The following RPTOR variants were observed in gnomAD, a reference collection of about 807,000 sequenced individuals.
RPTOR encodes the protein regulatory-associated protein of mTOR.
RPTOR carries 21 observed loss-of-function variants against 169.9 expected under a neutral mutation model. The ratio of observed to expected loss-of-function variants is 0.12; its 90% confidence interval spans 0.09 to 0.18. RPTOR has a LOEUF of 0.18. Ranked by LOEUF, RPTOR falls within the 10% of genes least tolerant of loss-of-function variation. The probability of loss-of-function intolerance (pLI) is 1.00; values close to 1 mark genes in which losing one functional copy is unlikely to be tolerated. For synonymous variants in RPTOR, 732 were observed against 753.2 expected, an observed-to-expected ratio of 0.97 and a Z score of 0.46; for missense variants, 1,133 against 1,855.9, an observed-to-expected ratio of 0.61 and a Z score of 7.16.
At chr17:80,765,152 C>A (rs1025466083) in intron 6 of RPTOR, among the ~76,000 whole-genome samples, 1 of 152,214 alleles carries the variant, frequency 6.6e-6, no homozygotes, top group Non-Finnish European at 1.5e-5. Context: ...CGCTGTCCGT[C>A]GCATCTCTGC....
chr17:80,773,293 G>C (rs914142668), intron 6 of RPTOR, among the ~76,000 whole-genome samples: 1 of 152,226 alleles, frequency 6.6e-6, no homozygotes, highest in South Asian at 2.1e-4. Flanking sequence ...AGCTAGTGGG[G>C]ACTTCTCTGT....
In RPTOR at chr17:80,855,485, C is replaced by A. The variant is rs2143744625; in HGVS notation, c.1336C>A (p.Arg446=). 1 of 1,613,856 alleles carries A rather than the reference C, an allele frequency of 6.2e-7. No homozygotes were observed. The highest frequency in any genetic ancestry group is 8.5e-7 in the Non-Finnish European group (1 of 1,179,756). ...VLQVLLSQVH[R]LRALDLLGRF... ...CCAGGTGCTGTTAAGCCAAGTGCAC[C>A]GGCTGAGAGCATTGGACTTGCTTGG... The change falls in exon 12 of 34, where the codon CGG becomes AGG. Residue 446 remains arginine, a synonymous_variant. Coordinates refer to ENST00000306801, the MANE Select transcript of RPTOR (RefSeq NM_020761.3).
intron 4 of RPTOR, among the ~76,000 whole-genome samples, chr17:80,729,619 C>G (rs2066372053): frequency 6.6e-6 from 1 of 152,330 alleles, no homozygotes; most frequent in Middle Eastern, 3.4e-3. Context: ...ACTTATACCC[C>G]TTAAGTATGA....
intron 4 of RPTOR, among the ~76,000 whole-genome samples, chr17:80,714,122 G>A (rs1397583751): frequency 6.6e-6 from 1 of 152,096 alleles, no homozygotes; most frequent in Non-Finnish European, 1.5e-5. Context: ...TGTATTTTTA[G>A]TAGAGATGGG....
At chr17:80,710,546 T>G (rs1422009535) in intron 4 of RPTOR, among the ~76,000 whole-genome samples, 1 of 150,630 alleles carries the variant, frequency 6.6e-6, no homozygotes, top group Non-Finnish European at 1.5e-5. Flanking sequence ...GACTAGATGT[T>G]GATTTGCCTC....
chr17:80,877,898 C>T (rs1024919347), intron 13 of RPTOR, among the ~76,000 whole-genome samples: 1 of 152,170 alleles, frequency 6.6e-6, no homozygotes, highest in African/African-American at 2.4e-5. Context: ...GCCCATAACC[C>T]GCCTCATCAG....
At chr17:80,704,303 A>G (rs936394814) in intron 3 of RPTOR, among the ~76,000 whole-genome samples, 5 of 152,202 alleles carry the variant, frequency 3.3e-5, no homozygotes, top group African/African-American at 1.2e-4. Context: ...TTCATTTATC[A>G]GCTGCCCTTG....
At chr17:80,940,256 G>A (rs1011504708) in intron 24 of RPTOR, among the ~76,000 whole-genome samples, 3 of 152,078 alleles carry the variant, frequency 2.0e-5, no homozygotes, top group East Asian at 3.8e-4. Context: ...TTAAAAATAC[G>A]GCATAGCAGC....
chr17:80,925,547 C>T, intron 24 of RPTOR, 67 bp downstream of exon 24: 1 of 1,277,020 alleles, frequency 7.8e-7, no homozygotes, highest in Non-Finnish European at 1.1e-6. Flanking sequence ...CTTCTTTGAG[C>T]ATAAACGCTC....
intron 13 of RPTOR, among the ~76,000 whole-genome samples, chr17:80,867,945 G>A (rs1027250157): frequency 6.6e-6 from 1 of 152,170 alleles, no homozygotes; most frequent in Non-Finnish European, 1.5e-5. Context: ...AGGACCTACA[G>A]CAGGCAAAAC....
At chr17:80,782,226 G>A (rs984997334) in intron 6 of RPTOR, among the ~76,000 whole-genome samples, 11 of 152,258 alleles carry the variant, frequency 7.2e-5, no homozygotes, top group South Asian at 4.2e-4. Context: ...GTGAACACAC[G>A]TGGAAATTGA....
At chr17:80,864,243 T>C (rs1419463268) in intron 13 of RPTOR, among the ~76,000 whole-genome samples, 1 of 151,990 alleles carries the variant, frequency 6.6e-6, no homozygotes, top group Non-Finnish European at 1.5e-5. Context: ...AGGCAGCCAG[T>C]AAAAAGCCAG....
At chr17:80,784,282 G>A (rs760990991) in intron 6 of RPTOR, among the ~76,000 whole-genome samples, 11 of 151,830 alleles carry the variant, frequency 7.2e-5, no homozygotes, top group African/African-American at 2.2e-4. Context: ...TACAAATATC[G>A]CATGATTTGG....
In RPTOR at chr17:80,920,803, C is replaced by T. The variant is rs924073917; in HGVS notation, c.2521-1921C>T. Reference sequence around the variant, plus strand: ...TTCCCCGTCACCTCCCACTGTTTTTCCAGACATTTTGAGAAGGCACATATA... The same window carrying T: ...TTCCCCGTCACCTCCCACTGTTTTTTCAGACATTTTGAGAAGGCACATATA... On this transcript the variant is annotated intron_variant, in intron 21 of 33. Transcript: ENST00000306801. Among the ~76,000 whole-genome samples, 5 of 152,234 alleles carry T rather than the reference C, an allele frequency of 3.3e-5. 1 individual carries two copies. The South Asian group carries it at 6.2e-4, about 19-fold the overall frequency.
intron 1 of RPTOR, 46 bp from the exon 2 acceptor site, chr17:80,625,645 G>A: frequency 7.2e-7 from 1 of 1,391,668 alleles, no homozygotes; most frequent in Non-Finnish European, 1.0e-6. Context: ...ACATAAACGA[G>A]TTCCATATTG....
At position 80,947,541 on chromosome 17, in the gene RPTOR, A is replaced by G. The variant is rs2069118219; in HGVS notation, c.3265+190A>G. On this transcript the variant is annotated intron_variant, in intron 27 of 33. Coordinates refer to ENST00000306801, the MANE Select transcript of RPTOR (RefSeq NM_020761.3). The surrounding 1 kb of genome is among the most constrained non-coding windows in gnomAD (Gnocchi z 4.4). ...TTCAGCAGCAGAGACAGGAAAGCAAAGATGACCCCATCCTTGAGGGTTCCA... is the reference window on the plus strand; with the variant it reads ...TTCAGCAGCAGAGACAGGAAAGCAAGGATGACCCCATCCTTGAGGGTTCCA... Among the ~76,000 whole-genome samples the G allele has an allele frequency of 6.6e-6, 1 of 152,206 alleles. No individual in the cohort carries two copies. Among genetic ancestry groups the G allele is most frequent in the African/African-American group, 2.4e-5 (1 of 41,444 alleles).
At chr17:80,717,412 A>G (rs772661365) in intron 4 of RPTOR, among the ~76,000 whole-genome samples, 5 of 152,262 alleles carry the variant, frequency 3.3e-5, no homozygotes, top group Non-Finnish European at 7.3e-5. Flanking sequence ...CGCTAATGTC[A>G]TAAAAGCAAC....
In RPTOR at chr17:80,964,384, G is replaced by A; in HGVS notation, c.*54G>A. 1 of 1,572,966 alleles carries A rather than the reference G, an allele frequency of 6.4e-7. No homozygotes were observed. The highest frequency in any genetic ancestry group is 8.7e-7 in the Non-Finnish European group (1 of 1,155,524). On this transcript the variant is annotated 3_prime_UTR_variant, in exon 34 of 34. Coordinates refer to ENST00000306801, the MANE Select transcript of RPTOR (RefSeq NM_020761.3). ...GCCGCCTGCTGTACATAGTGAAGCT[G>A]TCACTCGCCGGGGCACGGGGCGTCG...
At chr17:80,950,270 C>A (rs1468036) in intron 28 of RPTOR, among the ~76,000 whole-genome samples, 2 of 152,202 alleles carry the variant, frequency 1.3e-5, no homozygotes, top group African/African-American at 4.8e-5. Context: ...GCCAGCCCCC[C>A]TCTGCCGGCT....
Sources: gnomAD v4.1 joint callset for allele counts (sites outside exome capture counted in the v4.1 genomes callset) on GRCh38, gnomAD v4.1.1 for gene constraint, Gnocchi (gnomAD v3.1) non-coding constraint, MANE v1.5 for transcripts, NCBI Gene and HGNC (gene_info 2026-07-23, HGNC 2026-07-21) for gene names.